RNF19A: variants seen among roughly 807,000 people sequenced by gnomAD.
RNF19A encodes ring finger protein 19A, RBR E3 ubiquitin protein ligase, also known as E3 ubiquitin-protein ligase RNF19A.
RNF19A carries 32 observed loss-of-function variants against 75.7 expected under a neutral mutation model. That is an observed-to-expected ratio of 0.42 (90% CI 0.32 to 0.57). RNF19A has a LOEUF of 0.57. RNF19A is among the 20% of genes least tolerant of loss of function. The probability of loss-of-function intolerance (pLI) is 0.10; values close to 1 mark genes in which losing one functional copy is unlikely to be tolerated. For missense variants in RNF19A, 782 were observed against 1,036.3 expected (o/e 0.75, Z 3.37); for synonymous variants, 335 against 345.2 (o/e 0.97, Z 0.33).
In RNF19A at chr8:100,331,847, C is replaced by G. The variant is rs1301190274; in HGVS notation, c.-243+4261G>C. 1.3e-5 allele frequency among the ~76,000 whole-genome samples: 2 copies of G among 152,182 alleles called. No individual in the cohort carries two copies. The highest frequency in any genetic ancestry group is 2.9e-5 in the Non-Finnish European group (2 of 68,016). ...ATATCCTCCCCAGCCCTACCTACCT[C>G]TCTTACACAGTACTAACCTTTGCAC... is the stretch of plus-strand genomic sequence containing the variant. On this transcript the variant is annotated intron_variant, in intron 1 of 3. Transcript: ENST00000519527. The surrounding 1 kb of genome is among the most constrained non-coding windows in gnomAD (Gnocchi z 5.2).
upstream of RNF19A, among the ~76,000 whole-genome samples, chr8:100,311,667 G>A (rs1264682925): frequency 7.2e-6 from 1 of 139,128 alleles, no homozygotes; most frequent in African/African-American, 2.7e-5. Context: ...GTAGTGAGCA[G>A]AGATCTCGCC....
At chr8:100,312,901 A>G (rs534085376), upstream of RNF19A, among the ~76,000 whole-genome samples, 1 of 152,258 alleles carries the variant, frequency 6.6e-6, no homozygotes, top group African/African-American at 2.4e-5. Context: ...CAGCCTGGGC[A>G]ATAGAGCGAG....
intron 1 of RNF19A, among the ~76,000 whole-genome samples, chr8:100,292,435 G>GGGGTGT (rs137938989): frequency 0.056 from 8,195 of 145,362 alleles, 509 homozygotes; most frequent in African/African-American, 0.16. Context: ...CTATCATATG[G>GGGGTGT]GTGTGTGTGT....
At chr8:100,285,785 A>G (rs11777403) in intron 2 of RNF19A, among the ~76,000 whole-genome samples, 2 of 152,098 alleles carry the variant, frequency 1.3e-5, no homozygotes, top group African/African-American at 4.8e-5. Flanking sequence ...GGAATGAGCC[A>G]CCACGCCCAG....
chr8:100,299,383 C>T (rs532003475), intron 1 of RNF19A, among the ~76,000 whole-genome samples: 14 of 152,304 alleles, frequency 9.2e-5, no homozygotes, highest in Admixed American at 6.5e-4. Flanking sequence ...TATTAGTATA[C>T]TCTTCTTAGT....
Position 100,332,496 on chromosome 8 carries a change from T to A in RNF19A, c.-243+3612A>T, listed in dbSNP as rs942426702. The stretch of plus-strand genomic sequence containing the variant: ...GAGTCAATTAAATCTCTTTCCTTTA[T>A]AAATTACTCAGTTTCAGGGAAGTTC... On this transcript the variant is annotated intron_variant, in intron 1 of 3. Coordinates refer to the RNF19A transcript ENST00000519527. This position sits in a 1 kb window ranked among gnomAD's most constrained non-coding sequence, Gnocchi z 4.8. 1.3e-5 allele frequency among the ~76,000 whole-genome samples: 2 copies of A among 152,256 alleles called. No individual in the cohort carries two copies. The highest frequency in any genetic ancestry group is 4.8e-5 in the African/African-American group (2 of 41,468).
rs954894442 is a variant in RNF19A at position 100,333,197 on chromosome 8, T to C, written c.-243+2911A>G. On this transcript the variant is annotated intron_variant, in intron 1 of 3. Coordinates refer to the RNF19A transcript ENST00000519527. This position sits in a 1 kb window ranked among gnomAD's most constrained non-coding sequence, Gnocchi z 4.7. ...CTTGCTCTTCCTCTTGTCCATGTGA[T>C]GCTTTCTGCCATGTAATGATGTAGC... Among the ~76,000 whole-genome samples the C allele has an allele frequency of 3.3e-5, 5 of 152,240 alleles. No individual in the cohort carries two copies. Among genetic ancestry groups the C allele is most frequent in the African/African-American group, 1.2e-4 (5 of 41,472 alleles).
chr8:100,335,875 A>G (rs991447646), intron 1 of RNF19A, among the ~76,000 whole-genome samples: 7 of 152,228 alleles, frequency 4.6e-5, no homozygotes, highest in African/African-American at 1.7e-4. Context: ...CCCCTCAGCC[A>G]CGGCTGATTG....
chr8:100,259,173 T>G lies in RNF19A; in HGVS notation c.1900A>C (p.Ser634Arg), dbSNP rs545264223. The G allele has an allele frequency of 8.1e-6, 13 of 1,614,148 alleles. No individual in the cohort carries two copies. In the African/African-American group the frequency reaches 1.7e-4, roughly 22 times the overall value. ...PSKFRHNSGS[S>R]SVDDGSATRS... ...GTGGCACTGCCATCATCCACACTACTGCTTCCACTGTTGTGCCTGAATTTG... is the reference window on the plus strand; with the variant it reads ...GTGGCACTGCCATCATCCACACTACGGCTTCCACTGTTGTGCCTGAATTTG... Residue 634 changes from serine (S) to arginine (R), a missense_variant, in exon 10 of 10, where the codon AGT becomes CGT. Physicochemically the swap from Ser to Arg is moderately radical, Grantham distance 110 (BLOSUM62 -1). Around this residue, in one of 7 missense-constraint regions of RNF19A, gnomAD observed 442 missense variants for 541.6 expected, o/e 0.82. Transcript: ENST00000341084. This position sits in a 1 kb window ranked among gnomAD's most constrained non-coding sequence, Gnocchi z 4.5.
chr8:100,266,705 G>A (rs1387822544), intron 5 of RNF19A, among the ~76,000 whole-genome samples: 1 of 151,896 alleles, frequency 6.6e-6, no homozygotes, highest in East Asian at 1.9e-4. Context: ...GAGACAAGGT[G>A]TCACACTGTG....
At chr8:100,313,396 C>T (rs772428727), upstream of RNF19A, 2 of 779,394 alleles carry the variant, frequency 2.6e-6, no homozygotes, top group African/African-American at 1.9e-5. Flanking sequence ...AGAAGGCAAA[C>T]TAGTTAGGAG....
chr8:100,268,394 G>T (rs1239099759), intron 5 of RNF19A, among the ~76,000 whole-genome samples: 3 of 151,964 alleles, frequency 2.0e-5, no homozygotes, highest in Admixed American at 6.6e-5. Context: ...TCAAGAACTG[G>T]CTAATTATTC....
chr8:100,327,139 G>A (rs778113050), intron 1 of RNF19A, among the ~76,000 whole-genome samples: 8 of 151,298 alleles, frequency 5.3e-5, no homozygotes, highest in Non-Finnish European at 7.4e-5. Context: ...TCTTAGCCTC[G>A]CTAACAAATG....
intron 1 of RNF19A, among the ~76,000 whole-genome samples, chr8:100,319,293 T>C (rs1187374299): frequency 4.1e-5 from 6 of 145,764 alleles, no homozygotes; most frequent in Non-Finnish European, 4.6e-5. Flanking sequence ...TAAATTTTTC[T>C]TAGGATGAAA....
intron 1 of RNF19A, among the ~76,000 whole-genome samples, chr8:100,298,210 AAAC>A (rs777661993): frequency 6.2e-4 from 94 of 152,052 alleles, no homozygotes; most frequent in Non-Finnish European, 9.6e-4. Context: ...AAAAAAAAAA[AAAC>A]ACTTATTACA....
At chr8:100,334,081 T>C (rs1161462212) in intron 1 of RNF19A, among the ~76,000 whole-genome samples, 1 of 152,250 alleles carries the variant, frequency 6.6e-6, no homozygotes, top group Non-Finnish European at 1.5e-5. Flanking sequence ...TTCACTGTGC[T>C]TGTAATGCAC....
At position 100,269,009 on chromosome 8, in the gene RNF19A, A is replaced by AATAG; in HGVS notation, c.1029-63_1029-62insCTAT. ...AAACACCACAATAACAAATTAGTGCACTATATTAAAACAATGACTATTTTT... is the reference window on the plus strand; with the variant it reads ...AAACACCACAATAACAAATTAGTGCAATAGCTATATTAAAACAATGACTATTTTT... On this transcript the variant is annotated intron_variant, in intron 4 of 9. Coordinates refer to ENST00000341084, the MANE Select transcript of RNF19A (RefSeq NM_183419.4). The surrounding 1 kb of genome is among the most constrained non-coding windows in gnomAD (Gnocchi z 5.7). 1 of 1,377,018 alleles carries AATAG rather than the reference A, an allele frequency of 7.3e-7. No homozygotes were observed. Among genetic ancestry groups the AATAG allele is most frequent in the Non-Finnish European group, 9.9e-7 (1 of 1,014,268 alleles). 85.3% of individuals were successfully genotyped at this position (1,377,018 alleles called of 1,614,324 possible).
rs1390102310 is a variant in RNF19A, at chr8:100,257,928, G to A, written c.*628C>T. 3 of 398,416 alleles carry A rather than the reference G, an allele frequency of 7.5e-6. No individual in the cohort carries two copies. The highest frequency in any genetic ancestry group is 1.3e-5 in the Non-Finnish European group (3 of 225,762). 24.7% of individuals were successfully genotyped at this position (398,416 alleles called of 1,614,324 possible). ...CTAAGATGGCATCAACAATAAACAA[G>A]ATAGAGTACCAGGTATTTCTATTTC... On this transcript the variant is annotated 3_prime_UTR_variant, in exon 10 of 10. Transcript: ENST00000341084.
At chr8:100,335,971 A>G (rs1330088024) in intron 1 of RNF19A, 2 of 152,306 alleles carry the variant, frequency 1.3e-5, no homozygotes, top group African/African-American at 4.8e-5. Flanking sequence ...AAGTTTAGCC[A>G]AAAATGGGTG....
Sources: gnomAD v4.1 joint callset for allele counts (sites outside exome capture counted in the v4.1 genomes callset) on GRCh38, gnomAD v4.1.1 for gene constraint, gnomAD v4.1.1 regional missense constraint, Gnocchi (gnomAD v3.1) non-coding constraint, MANE v1.5 for transcripts, NCBI Gene and HGNC (gene_info 2026-07-23, HGNC 2026-07-21) for gene names.